PAG1: variants seen among roughly 807,000 people sequenced by gnomAD.
PAG1 encodes the protein phosphoprotein associated with glycosphingolipid-enriched microdomains 1.
In PAG1, 23 loss-of-function variants were observed where a neutral mutation model predicts 31.7. The observed-to-expected ratio is 0.73, with a 90% CI of 0.52 to 1.03. The LOEUF (loss-of-function observed/expected upper bound fraction) is 1.03, where lower values mean the gene tolerates loss of function less well. PAG1 is among the 50% of genes least tolerant of loss of function. PAG1 has a pLI of 0.00. For synonymous variants in PAG1, 214 were observed against 210.3 expected, an observed-to-expected ratio of 1.02 and a Z score of -0.15; for missense variants, 473 against 540.7, an observed-to-expected ratio of 0.87 and a Z score of 1.24.
intron 3 of PAG1, among the ~76,000 whole-genome samples, chr8:81,008,293 A>G (rs902692097): frequency 2.6e-5 from 4 of 152,180 alleles, no homozygotes; most frequent in African/African-American, 9.6e-5. Flanking sequence ...GCCATGTTAT[A>G]GTGTTTCAGG....
chr8:81,088,032 ACTGT>A (rs1467270435), intron 1 of PAG1, among the ~76,000 whole-genome samples: 2 of 152,194 alleles, frequency 1.3e-5, no homozygotes, highest in East Asian at 1.9e-4. Flanking sequence ...ATACTTTTGT[ACTGT>A]CTAATTACCT....
rs938543021 is a variant in PAG1, at chr8:81,111,857, C to T, written c.-500G>A. ...CCCGAGCGCTGCAGCTGCCTCCAGC[C>T]CCGGAGCGCGGCGCTCCGAGCCCCT... On this transcript the variant is annotated 5_prime_UTR_variant, in exon 1 of 9. Coordinates refer to ENST00000220597, the MANE Select transcript of PAG1 (RefSeq NM_018440.4). 2 of 152,322 alleles carry T rather than the reference C, an allele frequency of 1.3e-5. No individual in the cohort carries two copies. The highest frequency in any genetic ancestry group is 4.8e-5 in the African/African-American group (2 of 41,464). The allele number at this position is 152,322 out of a possible 1,614,324, so 9.4% of individuals were successfully genotyped here.
intron 3 of PAG1, among the ~76,000 whole-genome samples, chr8:80,995,637 C>G (rs1268212195): frequency 6.6e-6 from 1 of 152,238 alleles, no homozygotes; most frequent in Non-Finnish European, 1.5e-5. Context: ...GTGCAGGCAT[C>G]TGTTTGTTCT....
chr8:81,076,168 C>T (rs543768425), intron 1 of PAG1, among the ~76,000 whole-genome samples: 4 of 152,360 alleles, frequency 2.6e-5, no homozygotes, highest in Admixed American at 2.6e-4. Context: ...TGATCCTTTC[C>T]CACACCAAGG....
At chr8:81,106,604 C>G (rs78448143) in intron 1 of PAG1, among the ~76,000 whole-genome samples, 1 of 151,986 alleles carries the variant, frequency 6.6e-6, no homozygotes, top group African/African-American at 2.4e-5. Flanking sequence ...ACAGGATATG[C>G]CAAAATATTA....
intron 1 of PAG1, among the ~76,000 whole-genome samples, chr8:81,104,799 C>T (rs1342966434): frequency 1.3e-5 from 2 of 152,050 alleles, no homozygotes; most frequent in Non-Finnish European, 2.9e-5. Context: ...TTTTGCACAG[C>T]TTACTTTGTC....
intron 1 of PAG1, among the ~76,000 whole-genome samples, chr8:81,092,941 A>G (rs935022023): frequency 1.4e-4 from 22 of 152,244 alleles, no homozygotes; most frequent in Admixed American, 1.3e-4. Context: ...TCTTAGCTGC[A>G]TGATATAGGC....
At chr8:81,010,435 T>C (rs1009833446) in intron 3 of PAG1, among the ~76,000 whole-genome samples, 21 of 152,218 alleles carry the variant, frequency 1.4e-4, no homozygotes, top group African/African-American at 1.2e-4. Context: ...TGTAATTTAT[T>C]ATAGAAATTA....
intron 2 of PAG1, among the ~76,000 whole-genome samples, chr8:81,034,331 A>G (rs1808428070): frequency 6.6e-6 from 1 of 152,228 alleles, no homozygotes; most frequent in Admixed American, 6.5e-5. Context: ...AAAAAATCAG[A>G]GTAGGCTCAA....
At chr8:81,030,647 G>A (rs1808364488) in intron 2 of PAG1, among the ~76,000 whole-genome samples, 1 of 152,180 alleles carries the variant, frequency 6.6e-6, no homozygotes, top group South Asian at 2.1e-4. Flanking sequence ...CTGTGGAAAT[G>A]GGGAAGATGT....
At chr8:81,107,524 TG>T (rs1207987894) in intron 1 of PAG1, among the ~76,000 whole-genome samples, 1 of 152,164 alleles carries the variant, frequency 6.6e-6, no homozygotes, top group African/African-American at 2.4e-5. Flanking sequence ...AGTGTCACCG[TG>T]GACAAGTGCC....
intron 2 of PAG1, among the ~76,000 whole-genome samples, chr8:81,057,327 C>T (rs1041778205): frequency 6.6e-6 from 1 of 152,124 alleles, no homozygotes; most frequent in Non-Finnish European, 1.5e-5. Flanking sequence ...ACCCAAATAT[C>T]CATCAATGAT....
intron 2 of PAG1, among the ~76,000 whole-genome samples, chr8:81,035,898 CAT>C (rs764138861): frequency 2.8e-4 from 43 of 151,294 alleles, no homozygotes; most frequent in Non-Finnish European, 4.7e-4. Flanking sequence ...TATGTATTAA[CAT>C]ATATATACAT....
In PAG1 at chr8:81,046,451, C is replaced by T. The variant is rs72674047; in HGVS notation, c.-174-16362G>A. Among the ~76,000 whole-genome samples the T allele has an allele frequency of 3.3e-3, 504 of 152,254 alleles. 1 individual carries two copies. Among genetic ancestry groups the T allele is most frequent in the Middle Eastern group, 0.01 (3 of 294 alleles). On this transcript the variant is annotated intron_variant, in intron 2 of 8. Transcript: ENST00000220597. ...GAAAGGCAGCTGATGTGCCCTTTCC[C>T]CCTTCTCTTATCACCATTTGATACC...
chr8:81,051,986 C>T (rs1328605049), intron 2 of PAG1, among the ~76,000 whole-genome samples: 3 of 151,740 alleles, frequency 2.0e-5, no homozygotes, highest in Admixed American at 6.6e-5. Context: ...AAAAATTAGC[C>T]GGGCGTGGTG....
intron 3 of PAG1, among the ~76,000 whole-genome samples, chr8:81,020,549 C>T (rs533115331): frequency 2.3e-4 from 35 of 152,228 alleles, no homozygotes; most frequent in East Asian, 7.7e-4. Flanking sequence ...CCATGTAAGA[C>T]GTGCCTTTGC....
At chr8:81,047,136 A>T (rs1215045632) in intron 2 of PAG1, among the ~76,000 whole-genome samples, 1 of 152,182 alleles carries the variant, frequency 6.6e-6, no homozygotes, top group Admixed American at 6.5e-5. Context: ...GCTATTGCGA[A>T]TAGTACCGCA....
At position 81,005,955 on chromosome 8, in the gene PAG1, T is replaced by C. The variant is rs570542244; in HGVS notation, c.-80-12648A>G. On this transcript the variant is annotated intron_variant, in intron 3 of 8. Coordinates refer to ENST00000220597, the MANE Select transcript of PAG1 (RefSeq NM_018440.4). ...AATTTTTAAATTTAAATTTTAATTA[T>C]TTTTTGAGACGGAGTCTTGCTCTGT... 1.2e-4 allele frequency among the ~76,000 whole-genome samples: 19 copies of C among 152,332 alleles called. No homozygotes were observed. In the South Asian group the frequency reaches 3.9e-3, roughly 32 times the overall value.
chr8:80,987,446 G>A lies in PAG1; in HGVS notation c.198C>T (p.Phe66=). Residue 66 remains phenylalanine, a synonymous_variant, in exon 6 of 9, where the codon TTC becomes TTT. Transcript: ENST00000220597. ...TTGCCAGGCTAGTAACTGAACGGCT[G>A]AACATCTCCTTGTCTGAAGGCTGAA... ...LMNVPSDKEM[F]SRSVTSLATD... 2 of 1,613,608 alleles carry A rather than the reference G, an allele frequency of 1.2e-6. No homozygotes were observed. The highest frequency in any genetic ancestry group is 8.5e-7 in the Non-Finnish European group (1 of 1,179,586).
Sources: gnomAD v4.1 joint callset for allele counts (sites outside exome capture counted in the v4.1 genomes callset) on GRCh38, gnomAD v4.1.1 for gene constraint, MANE v1.5 for transcripts, NCBI Gene and HGNC (gene_info 2026-07-23, HGNC 2026-07-21) for gene names.